The following ACTN3 variants were observed in gnomAD, a reference collection of about 807,000 sequenced individuals.
The protein encoded by ACTN3 is alpha-actinin-3.
In ACTN3, 91 loss-of-function variants were observed where a neutral mutation model predicts 119.6. That is an observed-to-expected ratio of 0.76 (90% CI 0.64 to 0.91). The LOEUF is 0.91. Among genes scored for constraint, ACTN3 ranks in the 40% least tolerant of loss-of-function variants. The probability of loss-of-function intolerance (pLI) is 0.00; values close to 1 mark genes in which losing one functional copy is unlikely to be tolerated. For synonymous variants in ACTN3, 456 were observed against 478.8 expected, an observed-to-expected ratio of 0.95 and a Z score of 0.62; for missense variants, 1,221 against 1,215.1, an observed-to-expected ratio of 1.00 and a Z score of -0.07.
intron 15 of ACTN3, 39 bp from the exon 16 acceptor site, chr11:66,561,188 C>A: frequency 6.7e-7 from 1 of 1,486,010 alleles, no homozygotes; most frequent in South Asian, 1.4e-5. Context: ...CATTTCCCAG[C>A]CCCCAGAGCT....
rs1231339718 is a variant in ACTN3 at position 66,555,354 on chromosome 11, G to A, written c.705G>A (p.Met235Ile). Reference protein sequence around the residue: ...VAEKYLDIPKMLDAEDIVNTP... With the variant: ...VAEKYLDIPKILDAEDIVNTP... ...AGAAATACCTGGACATCCCCAAGAT[G>A]TTGGATGCAGAAGGTGAGAGTGAGC... The change falls in exon 7 of 21, where the codon ATG (methionine) becomes ATA (isoleucine). Residue 235 changes from methionine to isoleucine, a missense_variant. Around this residue, in one of 3 missense-constraint regions of ACTN3, gnomAD observed 48 missense variants for 83.4 expected, o/e 0.58. Transcript: ENST00000513398. 1.2e-6 allele frequency: 2 copies of A among 1,614,008 alleles called. No homozygotes were observed. The highest frequency in any genetic ancestry group is 1.1e-5 in the South Asian group (1 of 91,088).
rs375580657 is a variant in ACTN3 at position 66,560,589 on chromosome 11, A to G, written c.1694A>G (p.His565Arg). ...VEETQSLLTA[H>R]DQFKATLPEA... ...CGTCCCCAGAGCCTGCTGACAGCGC[A>G]CGATCAGTTCAAGGCAACACTGCCC... is the stretch of plus-strand genomic sequence containing the variant. Residue 565 changes from histidine to arginine, a missense_variant, in exon 15 of 21, where the codon CAC becomes CGC. By Grantham distance (29) the His-to-Arg change is conservative. Coordinates refer to ENST00000513398, the MANE Select transcript of ACTN3 (RefSeq NM_001104.4). 122 of 1,612,172 alleles carry G rather than the reference A, an allele frequency of 7.6e-5. No homozygotes were observed. The highest frequency in any genetic ancestry group is 1.0e-4 in the Non-Finnish European group (121 of 1,179,342).
In ACTN3 at chr11:66,555,353, T is replaced by A; in HGVS notation, c.704T>A (p.Met235Lys). 6.2e-7 allele frequency: 1 copy of A among 1,614,084 alleles called. No individual in the cohort carries two copies. Among genetic ancestry groups the A allele is most frequent in the Non-Finnish European group, 8.5e-7 (1 of 1,179,992 alleles). The change falls in exon 7 of 21, where the codon ATG becomes AAG. Residue 235 changes from methionine to lysine, a missense_variant. Physicochemically the swap from Met to Lys is moderately conservative, Grantham distance 95. Around this residue, in one of 3 missense-constraint regions of ACTN3, gnomAD observed 48 missense variants for 83.4 expected, o/e 0.58. Transcript: ENST00000513398. ...VAEKYLDIPK[M>K]LDAEDIVNTP... ...GAGAAATACCTGGACATCCCCAAGA[T>A]GTTGGATGCAGAAGGTGAGAGTGAG...
chr11:66,563,002 G>A, intron 20 of ACTN3, 33 bp from the exon 21 acceptor site: 1 of 1,607,742 alleles, frequency 6.2e-7, no homozygotes. Flanking sequence ...CAGGGCACGG[G>A]ACCTGTGGGT....
rs1275546820 is a variant in ACTN3, at chr11:66,546,932, A to G, written c.-6A>G. 1.3e-6 allele frequency: 2 copies of G among 1,538,260 alleles called. No individual in the cohort carries two copies. The highest frequency in any genetic ancestry group is 2.3e-5 in the East Asian group (1 of 43,984). ...CGAGCGGAGCGAAGCCAGGAGCCCG[A>G]TCGAGATGATGATGGTTATGCAGCC... On this transcript the variant is annotated 5_prime_UTR_variant, in exon 1 of 21. Transcript: ENST00000513398.
At chr11:66,546,830 C>G, upstream of ACTN3, 1 of 1,525,438 alleles carries the variant, frequency 6.6e-7, no homozygotes, top group South Asian at 1.2e-5. Context: ...CCTCCCTCCT[C>G]CCCCATATTT....
At position 66,559,819 on chromosome 11, in the gene ACTN3, C is replaced by T. The variant is rs1750052199; in HGVS notation, c.1428-149C>T. Reference sequence around the variant, plus strand: ...CCAGAGGGATGCGCTGGTACCGCCCCTCTTGGAAAGCACCCAGCTTTACCC... The same window carrying T: ...CCAGAGGGATGCGCTGGTACCGCCCTTCTTGGAAAGCACCCAGCTTTACCC... On this transcript the variant is annotated intron_variant, in intron 12 of 20. Coordinates refer to ENST00000513398, the MANE Select transcript of ACTN3 (RefSeq NM_001104.4). 1.1e-5 allele frequency: 9 copies of T among 798,858 alleles called. No individual in the cohort carries two copies. The South Asian group carries it at 1.5e-4, about 13-fold the overall frequency. 49.5% of individuals were successfully genotyped at this position (798,858 alleles called of 1,614,324 possible). A position where few individuals can be genotyped will look rare whatever the true frequency, so the allele number is the denominator to read the frequency against.
chr11:66,549,021 T>C (rs1008947361), intron 1 of ACTN3, among the ~76,000 whole-genome samples: 2 of 152,092 alleles, frequency 1.3e-5, no homozygotes, highest in African/African-American at 4.8e-5. Context: ...TCCCTGACTC[T>C]CTGTTGCCCT....
intron 18 of ACTN3, 26 bp downstream of exon 18, chr11:66,562,194 G>A (rs776607765): frequency 6.2e-7 from 1 of 1,613,904 alleles, no homozygotes; most frequent in Non-Finnish European, 8.5e-7. Flanking sequence ...GCCCTGTGGG[G>A]TAAGACACTT....
chr11:66,560,121 G>A (rs1417967650), intron 13 of ACTN3, 45 bp downstream of exon 13: 2 of 1,551,490 alleles, frequency 1.3e-6, no homozygotes, highest in South Asian at 2.4e-5. Flanking sequence ...AGGTGGGTGA[G>A]GCCAGGTCTG....
chr11:66,557,879 C>G lies in ACTN3; in HGVS notation c.1078C>G (p.Arg360Gly). 6.2e-7 allele frequency: 1 copy of G among 1,614,072 alleles called. No individual in the cohort carries two copies. The highest frequency in any genetic ancestry group is 1.7e-5 in the Admixed American group (1 of 60,014). The stretch of plus-strand genomic sequence containing the variant: ...CTTCAACACACTGCAGACCAAGTTG[C>G]GGCTCAGCCACCGGCCTGCCTTCAT... ...INFNTLQTKL[R>G]LSHRPAFMPS... Residue 360 changes from arginine (R) to glycine (G), a missense_variant, in exon 10 of 21, where the codon CGG becomes GGG. Physicochemically the swap from Arg to Gly is moderately radical, Grantham distance 125 (BLOSUM62 -2). Transcript: ENST00000513398.
intron 7 of ACTN3, 105 bp from the exon 8 acceptor site, chr11:66,556,040 G>C (rs1050900511): frequency 3.1e-5 from 32 of 1,018,878 alleles, no homozygotes; most frequent in Non-Finnish European, 4.3e-5. Context: ...GCTGGCTGCT[G>C]GTGGCCATGA....
chr11:66,560,801 T>G lies in ACTN3; in HGVS notation c.1860+46T>G, dbSNP rs768587270. The G allele has an allele frequency of 6.4e-6, 10 of 1,555,830 alleles. No homozygotes were observed. The South Asian group carries it at 1.1e-4, about 17-fold the overall frequency. On this transcript the variant is annotated intron_variant, in intron 15 of 20. Coordinates refer to ENST00000513398, the MANE Select transcript of ACTN3 (RefSeq NM_001104.4). ...TCCTCCCACCCCCTCCTGCATACTGTGACCACCCTGAAATCTCGGGTGGCC... is the reference window on the plus strand; with the variant it reads ...TCCTCCCACCCCCTCCTGCATACTGGGACCACCCTGAAATCTCGGGTGGCC...
Position 66,555,222 on chromosome 11 carries a change from C to G in ACTN3, c.636+14C>G. 6.2e-7 allele frequency: 1 copy of G among 1,613,988 alleles called. No homozygotes were observed. ...AAACTGCGAAAGGTAGAGGCCCCCA[C>G]CACCCCAGCCCAAGGCCTCTGCCTG... On this transcript the variant is annotated intron_variant, in intron 6 of 20. Transcript: ENST00000513398.
rs752502827 is a variant in ACTN3, at chr11:66,560,591, G to A, written c.1696G>A (p.Asp566Asn). The change falls in exon 15 of 21, where the codon GAT (aspartate) becomes AAT (asparagine). Residue 566 changes from aspartate (D) to asparagine (N), a missense_variant. Around this residue, in one of 3 missense-constraint regions of ACTN3, gnomAD observed 934 missense variants for 899.9 expected, o/e 1.04. Coordinates refer to ENST00000513398, the MANE Select transcript of ACTN3 (RefSeq NM_001104.4). ...EETQSLLTAH[D>N]QFKATLPEAD... Reference sequence around the variant, plus strand: ...TCCCCAGAGCCTGCTGACAGCGCACGATCAGTTCAAGGCAACACTGCCCGA... The same window carrying A: ...TCCCCAGAGCCTGCTGACAGCGCACAATCAGTTCAAGGCAACACTGCCCGA... 41 of 1,612,330 alleles carry A rather than the reference G, an allele frequency of 2.5e-5. No individual in the cohort carries two copies. Among genetic ancestry groups the A allele is most frequent in the Admixed American group, 1.0e-4 (6 of 59,902 alleles).
rs755312380 is a variant in ACTN3, at chr11:66,563,210, TCTCTA to T, written c.*18_*22del. 4 of 1,584,606 alleles carry T rather than the reference TCTCTA, an allele frequency of 2.5e-6. No homozygotes were observed. In the East Asian group the frequency reaches 9.0e-5, roughly 36 times the overall value. On this transcript the variant is annotated 3_prime_UTR_variant, in exon 21 of 21. Coordinates refer to ENST00000513398, the MANE Select transcript of ACTN3 (RefSeq NM_001104.4). ...GACCTTTGACCCCAACCACTGAGGTTCTCTATGCAAGATGGAGAGAGGATGCACCC... is the reference window on the plus strand; with the variant it reads ...GACCTTTGACCCCAACCACTGAGGTTTGCAAGATGGAGAGAGGATGCACCC...
chr11:66,563,045 C>A lies in ACTN3; in HGVS notation c.2558C>A (p.Thr853Asn). 3 of 1,611,696 alleles carry A rather than the reference C, an allele frequency of 1.9e-6. No individual in the cohort carries two copies. The highest frequency in any genetic ancestry group is 1.7e-5 in the Admixed American group (1 of 59,888). ...GCCTCTTCTCCCCAGAACTACATCACCCCCGAGGAGCTGCGGCGCGAGCTC... is the reference window on the plus strand; with the variant it reads ...GCCTCTTCTCCCCAGAACTACATCAACCCCGAGGAGCTGCGGCGCGAGCTC... ...KILAGDKNYI[T>N]PEELRRELPA... is the part of the protein sequence containing the mutation. Residue 853 changes from threonine (T) to asparagine (N), a missense_variant, in exon 21 of 21, where the codon ACC (threonine) becomes AAC (asparagine). Physicochemically the swap from Thr to Asn is moderately conservative, Grantham distance 65. Transcript: ENST00000513398.
upstream of ACTN3, chr11:66,546,396 A>G (rs1455599531): frequency 2.7e-6 from 2 of 732,402 alleles, no homozygotes; most frequent in African/African-American, 3.6e-5. Flanking sequence ...CCCGATATTA[A>G]TAGCCCTGCC....
chr11:66,550,159 A>G (rs1857441568), intron 1 of ACTN3, among the ~76,000 whole-genome samples: 1 of 152,210 alleles, frequency 6.6e-6, no homozygotes, highest in South Asian at 2.1e-4. Flanking sequence ...GAGACATCAT[A>G]GATTCTGATC....
Sources: allele counts gnomAD v4.1 joint callset (sites outside exome capture counted in the v4.1 genomes callset), GRCh38; gene constraint gnomAD v4.1.1; regional missense constraint gnomAD v4.1.1; transcripts MANE v1.5; gene names NCBI Gene and HGNC (gene_info 2026-07-23, HGNC 2026-07-21).